DGKB: variants seen among roughly 807,000 people sequenced by gnomAD.
The protein encoded by DGKB is diacylglycerol kinase beta, also known as 90 kDa diacylglycerol kinase.
A neutral mutation model predicts 114.3 loss-of-function variants in DGKB; 67 were observed. The observed-to-expected ratio is 0.59, with a 90% CI of 0.48 to 0.72. The LOEUF is 0.72. DGKB is among the 30% of genes least tolerant of loss of function. The pLI, the probability that DGKB is intolerant of heterozygous loss-of-function variation, is 0.00. For missense variants in DGKB, 907 were observed against 975.2 expected (o/e 0.93, Z 0.93); for synonymous variants, 398 against 323.1 (o/e 1.23, Z -2.49).
At chr7:14,788,417 T>C (rs147318739) in intron 2 of DGKB, among the ~76,000 whole-genome samples, 2 of 152,324 alleles carry the variant, frequency 1.3e-5, no homozygotes, top group Non-Finnish European at 2.9e-5. Flanking sequence ...CTGGAGGAAG[T>C]ATTCCTCTCA....
At chr7:14,901,530 A>T (rs932243094) in intron 1 of DGKB, among the ~76,000 whole-genome samples, 2 of 152,020 alleles carry the variant, frequency 1.3e-5, no homozygotes, top group Non-Finnish European at 2.9e-5. Context: ...GTACTAATAC[A>T]GTGTTTTCTC....
At chr7:14,883,045 T>A (rs1013932672) in intron 1 of DGKB, among the ~76,000 whole-genome samples, 3 of 151,886 alleles carry the variant, frequency 2.0e-5, no homozygotes, top group Non-Finnish European at 4.4e-5. Context: ...TTAAGAAGAA[T>A]AGAAAAGTTG....
chr7:14,295,473 A>T (rs1213056840), intron 23 of DGKB, among the ~76,000 whole-genome samples: 1 of 152,150 alleles, frequency 6.6e-6, no homozygotes, highest in Non-Finnish European at 1.5e-5. Context: ...CATTTGTTTA[A>T]CAAGAGTCTA....
chr7:14,882,618 T>C (rs1356476820), intron 1 of DGKB, among the ~76,000 whole-genome samples: 1 of 151,950 alleles, frequency 6.6e-6, no homozygotes, highest in African/African-American at 2.4e-5. Context: ...TGAGTCTCTA[T>C]TGTCTATCAT....
At chr7:14,591,654 C>T (rs1043000964) in intron 17 of DGKB, among the ~76,000 whole-genome samples, 3 of 152,116 alleles carry the variant, frequency 2.0e-5, no homozygotes, top group South Asian at 2.1e-4. Flanking sequence ...CTATAGTTAA[C>T]GACACTTTTT....
intron 23 of DGKB, among the ~76,000 whole-genome samples, chr7:14,212,685 G>A (rs1260106917): frequency 2.6e-5 from 4 of 152,020 alleles, no homozygotes; most frequent in African/African-American, 9.7e-5. Context: ...TCAAGCCCTA[G>A]CATCAAATCA....
rs918012038 is a variant in DGKB, at chr7:14,739,813, C to CT, written c.169-3620dup. On this transcript the variant is annotated intron_variant, in intron 4 of 25. Transcript: ENST00000402815. ...CAGTCTTTGCTATGGCATTTTTCTTCTTTTTTTTCCCAGGACTGTAATGGC... is the reference window on the plus strand; with the variant it reads ...CAGTCTTTGCTATGGCATTTTTCTTCTTTTTTTTTCCCAGGACTGTAATGGC... Among the ~76,000 whole-genome samples, 9 of 152,150 alleles carry CT rather than the reference C, an allele frequency of 5.9e-5. No individual in the cohort carries two copies. In the South Asian group the frequency reaches 8.3e-4, roughly 14 times the overall value.
intron 21 of DGKB, among the ~76,000 whole-genome samples, chr7:14,476,814 G>C (rs1258673715): frequency 6.7e-6 from 1 of 149,886 alleles, no homozygotes; most frequent in Non-Finnish European, 1.5e-5. Context: ...GAGTGCAATG[G>C]TGCAATCTCA....
chr7:14,690,758 A>T (rs1443601324), intron 9 of DGKB, among the ~76,000 whole-genome samples: 1 of 152,230 alleles, frequency 6.6e-6, no homozygotes, highest in Non-Finnish European at 1.5e-5. Flanking sequence ...AACAGAGTTT[A>T]CCTCTATATA....
chr7:14,942,838 T>C (rs867469624), intron 1 of DGKB, among the ~76,000 whole-genome samples: 2 of 152,058 alleles, frequency 1.3e-5, no homozygotes, highest in Non-Finnish European at 2.9e-5. Flanking sequence ...CCTTTTGCAT[T>C]TCACTTGCAA....
At chr7:14,869,756 A>C (rs1378622109) in intron 1 of DGKB, among the ~76,000 whole-genome samples, 1 of 152,092 alleles carries the variant, frequency 6.6e-6, no homozygotes, top group Non-Finnish European at 1.5e-5. Context: ...TTATATACAC[A>C]ATATATATTC....
chr7:14,857,667 A>C (rs1850383774), intron 1 of DGKB, among the ~76,000 whole-genome samples: 1 of 152,048 alleles, frequency 6.6e-6, no homozygotes, highest in Admixed American at 6.6e-5. Context: ...CTGTTCAATA[A>C]ACTGCCTATT....
At chr7:14,775,723 T>C (rs970391052) in intron 2 of DGKB, among the ~76,000 whole-genome samples, 1 of 152,072 alleles carries the variant, frequency 6.6e-6, no homozygotes, top group African/African-American at 2.4e-5. Context: ...GTAAGTTTCC[T>C]GAGGCCTCCC....
At chr7:14,453,797 G>C (rs2128849326) in intron 21 of DGKB, among the ~76,000 whole-genome samples, 1 of 152,194 alleles carries the variant, frequency 6.6e-6, no homozygotes, top group African/African-American at 2.4e-5. Context: ...AAAGATAGCA[G>C]AAAAACAAGT....
chr7:14,566,177 T>C (rs1429734103), intron 20 of DGKB, among the ~76,000 whole-genome samples: 2 of 152,172 alleles, frequency 1.3e-5, no homozygotes, highest in Non-Finnish European at 2.9e-5. Context: ...AATGTAATGC[T>C]GAAACTTTGC....
chr7:14,957,652 A>G (rs1020707155), intron 1 of DGKB, among the ~76,000 whole-genome samples: 3 of 151,974 alleles, frequency 2.0e-5, no homozygotes, highest in African/African-American at 7.2e-5. Context: ...AACTGTTTCT[A>G]TTTCATATAA....
chr7:14,660,087 A>C (rs112020084), intron 13 of DGKB, among the ~76,000 whole-genome samples: 1 of 149,686 alleles, frequency 6.7e-6, no homozygotes, highest in African/African-American at 2.5e-5. Context: ...TGAAGCCCAC[A>C]TGATCATGGT....
intron 23 of DGKB, among the ~76,000 whole-genome samples, chr7:14,271,599 G>C (rs1345965323): frequency 6.6e-6 from 1 of 152,310 alleles, no homozygotes. Flanking sequence ...TGGAGCCTTT[G>C]AGGGGCAAGG....
At position 14,893,620 on chromosome 7, in the gene DGKB, T is replaced by C. The variant is rs368587442; in HGVS notation, c.-188+8972A>G. Among the ~76,000 whole-genome samples, 35 of 151,406 alleles carry C rather than the reference T, an allele frequency of 2.3e-4. No homozygotes were observed. The East Asian group carries it at 2.7e-3, about 12-fold the overall frequency. Reference sequence around the variant, plus strand: ...CGTTGCCGTTATCTCTTTAATCATATAGCCAACTGTTCACTCTAGAATTAC... The same window carrying C: ...CGTTGCCGTTATCTCTTTAATCATACAGCCAACTGTTCACTCTAGAATTAC... On this transcript the variant is annotated intron_variant, in intron 1 of 25. Coordinates refer to ENST00000402815, the MANE Select transcript of DGKB (RefSeq NM_001350709.2).
Sources: gnomAD v4.1 joint callset for allele counts (sites outside exome capture counted in the v4.1 genomes callset) on GRCh38, gnomAD v4.1.1 for gene constraint, MANE v1.5 for transcripts, NCBI Gene and HGNC (gene_info 2026-07-23, HGNC 2026-07-21) for gene names.